Variants in MYH3 observed in about 807,000 individuals in gnomAD.
MYH3 encodes the protein myosin heavy chain 3, also known as myosin-3.
In MYH3, 130 loss-of-function variants were observed where a neutral mutation model predicts 238.0. The ratio of observed to expected loss-of-function variants is 0.55; its 90% CI spans 0.47 to 0.63. MYH3 has a LOEUF of 0.63. Among genes scored for constraint, MYH3 ranks in the 30% least tolerant of loss-of-function variants. MYH3 has a pLI of 0.00. For synonymous variants in MYH3, 880 were observed against 924.1 expected, an observed-to-expected ratio of 0.95 and a Z score of 0.86; for missense variants, 1,853 against 2,374.9, an observed-to-expected ratio of 0.78 and a Z score of 4.57.
rs2074161430 is a variant in MYH3 at position 10,631,803 on chromosome 17, C to T, written c.5160+10G>A. On this transcript the variant is annotated intron_variant, in intron 35 of 40. Coordinates refer to ENST00000583535, the MANE Select transcript of MYH3 (RefSeq NM_002470.4). The stretch of plus-strand genomic sequence containing the variant: ...TGGAACCTCGCCTCTCTTCCTCTCC[C>T]TCCCCTCACCTGGGTATGCAGCAGC... 1 of 1,614,180 alleles carries T rather than the reference C, an allele frequency of 6.2e-7. No individual in the cohort carries two copies. The highest frequency in any genetic ancestry group is 1.7e-5 in the Admixed American group (1 of 60,020).
Position 10,654,788 on chromosome 17 carries a change from G to C in MYH3, c.204+73C>G, listed in dbSNP as rs953447101. On this transcript the variant is annotated intron_variant, in intron 3 of 40. Coordinates refer to ENST00000583535, the MANE Select transcript of MYH3 (RefSeq NM_002470.4). This position sits in a 1 kb window ranked among gnomAD's most constrained non-coding sequence, Gnocchi z 4.5. ...CACATCTGGAAGTGGCTGGGGTTGG[G>C]CAGATGCATACCCCAGGCAAGCACA... The C allele has an allele frequency of 7.1e-7, 1 of 1,402,106 alleles. No homozygotes were observed. The highest frequency in any genetic ancestry group is 1.0e-6 in the Non-Finnish European group (1 of 986,718). The allele number at this position is 1,402,106 out of a possible 1,614,324, so 86.9% of individuals were successfully genotyped here.
the MYH3 span, among the ~76,000 whole-genome samples, chr17:10,663,213 C>G: frequency 2.0e-5 from 3 of 152,320 alleles, no homozygotes; most frequent in African/African-American, 7.2e-5. Flanking sequence ...ACAGCCTGGT[C>G]TCTGTCTTCG....
At chr17:10,677,849 G>C in the MYH3 span, 1 of 152,334 alleles carries the variant, frequency 6.6e-6, no homozygotes, top group Non-Finnish European at 1.5e-5. Flanking sequence ...GGGCGTGGTG[G>C]CTCACACCTG....
chr17:10,646,058 G>A (rs1176303496), intron 10 of MYH3, 26 bp from the exon 11 acceptor site: 1 of 1,599,152 alleles, frequency 6.3e-7, no homozygotes, highest in Non-Finnish European at 8.6e-7. Flanking sequence ...GTTCCAGGAG[G>A]TTATGCAGAT....
At chr17:10,656,982 C>T (rs1297168050) in intron 1 of MYH3, among the ~76,000 whole-genome samples, 3 of 152,098 alleles carry the variant, frequency 2.0e-5, no homozygotes, top group East Asian at 1.9e-4. Flanking sequence ...GCTGGGCTCA[C>T]GGGGCATCCA....
chr17:10,638,105 T>C lies in MYH3; in HGVS notation c.3667A>G (p.Ser1223Gly). Reference protein sequence around the residue: ...RVKQKLEKEKSEFKLEIDDLS... With the variant: ...RVKQKLEKEKGEFKLEIDDLS... ...TCATCGATCTCCAGCTTGAACTCGCTCTTCTCCTTCTCCAGCTTCTGCTTG... is the reference window on the plus strand; with the variant it reads ...TCATCGATCTCCAGCTTGAACTCGCCCTTCTCCTTCTCCAGCTTCTGCTTG... The change falls in exon 27 of 41, where the codon AGC becomes GGC. Residue 1223 changes from serine to glycine, a missense_variant. Coordinates refer to ENST00000583535, the MANE Select transcript of MYH3 (RefSeq NM_002470.4). 2 of 1,613,662 alleles carry C rather than the reference T, an allele frequency of 1.2e-6. No individual in the cohort carries two copies. Among genetic ancestry groups the C allele is most frequent in the South Asian group, 1.1e-5 (1 of 91,050 alleles).
chr17:10,676,745 G>A, the MYH3 span: 1 of 152,202 alleles, frequency 6.6e-6, no homozygotes, highest in Non-Finnish European at 1.5e-5. Context: ...TTTCTTGGTA[G>A]TGGAACAACA....
At position 10,638,873 on chromosome 17, in the gene MYH3, C is replaced by T; in HGVS notation, c.3339G>A (p.Gln1113=). 1 of 1,613,748 alleles carries T rather than the reference C, an allele frequency of 6.2e-7. No homozygotes were observed. The highest frequency in any genetic ancestry group is 8.5e-7 in the Non-Finnish European group (1 of 1,179,662). Residue 1113 remains glutamine (Q), a splice_region_variant and synonymous_variant, in exon 26 of 41, where the codon CAG becomes CAA. Transcript: ENST00000583535. Reference sequence around the variant, plus strand: ...AGAGAGAAATGCAGAGGGCTCCTACCTGCAACTCTTTGATTTTCTTCTGAA... The same window carrying T: ...AGAGAGAAATGCAGAGGGCTCCTACTTGCAACTCTTTGATTTTCTTCTGAA... ...LQFQKKIKEL[Q]ARIEELEEEI...
chr17:10,629,564 T>C, intron 40 of MYH3, 33 bp downstream of exon 40: 1 of 1,580,492 alleles, frequency 6.3e-7, no homozygotes, highest in Non-Finnish European at 8.6e-7. Context: ...CTACAGTCCC[T>C]GGGGGGGGGC....
the MYH3 span, among the ~76,000 whole-genome samples, chr17:10,671,640 T>C: frequency 7.0e-6 from 1 of 143,038 alleles, no homozygotes; most frequent in Admixed American, 7.6e-5. Context: ...AGTGCAGTGG[T>C]GTGATCTCGG....
chr17:10,630,562 A>G, intron 36 of MYH3, 104 bp from the exon 37 acceptor site: 1 of 1,540,254 alleles, frequency 6.5e-7, no homozygotes. Context: ...CTAAAGAAAA[A>G]GGACAGGCCA....
the MYH3 span, among the ~76,000 whole-genome samples, chr17:10,668,537 G>T: frequency 6.6e-6 from 1 of 152,118 alleles, no homozygotes; most frequent in African/African-American, 2.4e-5. Flanking sequence ...AAAAGGAAAG[G>T]AAAAAAAGAA....
At chr17:10,647,133 A>G (rs775152311) in intron 10 of MYH3, 49 bp downstream of exon 10, 1 of 1,360,888 alleles carries the variant, frequency 7.3e-7, no homozygotes, top group Non-Finnish European at 1.1e-6. Context: ...TGGTCTAGTG[A>G]TCAGAGTCAA....
chr17:10,650,277 G>T, intron 6 of MYH3, 97 bp downstream of exon 6: 1 of 1,327,266 alleles, frequency 7.5e-7, no homozygotes, highest in Non-Finnish European at 1.1e-6. Flanking sequence ...CGCCCAGCCT[G>T]ATCTTTTTAT....
At chr17:10,670,254 C>A in the MYH3 span, among the ~76,000 whole-genome samples, 2 of 152,312 alleles carry the variant, frequency 1.3e-5, no homozygotes, top group African/African-American at 4.8e-5. This position sits in a 1 kb window ranked among gnomAD's most constrained non-coding sequence, Gnocchi z 7.0. Context: ...AAGGGAGATA[C>A]TACTTTTACC....
At position 10,638,067 on chromosome 17, in the gene MYH3, G is replaced by A; in HGVS notation, c.3705C>T (p.Ser1235=). 3 of 1,613,782 alleles carry A rather than the reference G, an allele frequency of 1.9e-6. No homozygotes were observed. Among genetic ancestry groups the A allele is most frequent in the Non-Finnish European group, 2.5e-6 (3 of 1,179,980 alleles). The change falls in exon 27 of 41, where the codon AGC becomes AGT. Residue 1235 remains serine, a synonymous_variant. Coordinates refer to ENST00000583535, the MANE Select transcript of MYH3 (RefSeq NM_002470.4). ...FKLEIDDLSS[S]MESVSKSKAN... is the part of the protein sequence containing the mutation. The stretch of plus-strand genomic sequence containing the variant: ...CCTTAGATTTCGACACACTCTCCAT[G>A]CTGCTGGAGAGGTCATCGATCTCCA...
the MYH3 span, among the ~76,000 whole-genome samples, chr17:10,668,290 G>A: frequency 6.6e-6 from 1 of 152,202 alleles, no homozygotes. Context: ...AACTACTGAG[G>A]AGGCTGAGGC....
intron 36 of MYH3, 76 bp downstream of exon 36, chr17:10,631,535 A>G (rs2074157065): frequency 6.2e-7 from 1 of 1,608,778 alleles, no homozygotes. Flanking sequence ...GGGAGACCGC[A>G]CCTGTCTAAC....
chr17:10,630,538 G>A, intron 36 of MYH3, 80 bp from the exon 37 acceptor site: 1 of 1,588,520 alleles, frequency 6.3e-7, no homozygotes, highest in East Asian at 2.2e-5. Flanking sequence ...GACCTCGGAG[G>A]ACCAGAGACC....
Sources: gnomAD v4.1 joint callset for allele counts (sites outside exome capture counted in the v4.1 genomes callset) on GRCh38, gnomAD v4.1.1 for gene constraint, Gnocchi (gnomAD v3.1) non-coding constraint, MANE v1.5 for transcripts, NCBI Gene and HGNC (gene_info 2026-07-23, HGNC 2026-07-21) for gene names.